BTBD16: variants seen among roughly 807,000 people sequenced by gnomAD.
BTBD16 encodes the protein BTB domain containing 16.
Under a neutral mutation model 67.4 loss-of-function variants are expected in BTBD16, and 66 were observed. The observed-to-expected ratio is 0.98, with a 90% confidence interval of 0.80 to 1.20. The LOEUF is 1.20. Among genes scored for constraint, BTBD16 ranks in the 50% most tolerant of loss-of-function variants. The pLI is 0.00. For synonymous variants in BTBD16, 242 were observed against 236.4 expected (o/e 1.02, Z -0.22); for missense variants, 634 against 616.0 (o/e 1.03, Z -0.31).
intron 10 of BTBD16, among the ~76,000 whole-genome samples, chr10:122,309,352 G>T (rs1220488101): frequency 7.0e-5 from 10 of 143,754 alleles, no homozygotes; most frequent in South Asian, 2.2e-4. Flanking sequence ...TTTTGTTTTT[G>T]TTTTTTTTTT....
chr10:122,288,067 A>T (rs1307444189), intron 5 of BTBD16, among the ~76,000 whole-genome samples: 2 of 148,976 alleles, frequency 1.3e-5, no homozygotes, highest in Non-Finnish European at 3.0e-5. Context: ...TCCTATGTGG[A>T]ATGCTTAGCT....
intron 10 of BTBD16, among the ~76,000 whole-genome samples, chr10:122,321,834 A>G (rs2096435977): frequency 6.6e-6 from 1 of 152,148 alleles, no homozygotes; most frequent in South Asian, 2.1e-4. Context: ...AAGTTTGATT[A>G]GGTTCCACTT....
intron 10 of BTBD16, among the ~76,000 whole-genome samples, chr10:122,322,838 C>T (rs2142120346): frequency 6.6e-6 from 1 of 152,326 alleles, no homozygotes; most frequent in Non-Finnish European, 1.5e-5. Context: ...CCCTCTCTCC[C>T]CACAGTCTGA....
At chr10:122,303,388 C>A (rs771959036) in intron 9 of BTBD16, among the ~76,000 whole-genome samples, 3 of 152,206 alleles carry the variant, frequency 2.0e-5, no homozygotes, top group Non-Finnish European at 2.9e-5. Context: ...TCACTTACAT[C>A]GTGTGTTGTG....
intron 7 of BTBD16, among the ~76,000 whole-genome samples, chr10:122,293,235 C>T (rs1467838101): frequency 6.6e-6 from 1 of 152,206 alleles, no homozygotes; most frequent in Admixed American, 6.5e-5. Context: ...CAAGAGAAGA[C>T]ATTAGCTGCT....
intron 3 of BTBD16, among the ~76,000 whole-genome samples, chr10:122,280,197 T>C (rs1374937467): frequency 1.3e-5 from 2 of 152,130 alleles, no homozygotes; most frequent in East Asian, 3.8e-4. Context: ...TCTTACAGGG[T>C]TGTGTGAGAA....
rs761762327 is a variant in BTBD16 at position 122,334,968 on chromosome 10, T to G, written c.1252T>G (p.Phe418Val). The G allele has an allele frequency of 6.7e-7, 1 of 1,501,072 alleles. No homozygotes were observed. The highest frequency in any genetic ancestry group is 2.3e-5 in the East Asian group (1 of 43,888). The allele number at this position is 1,501,072 out of a possible 1,614,324, so 93.0% of individuals were successfully genotyped here. ...CAAACATGATACTACCTCTTATAGT[T>G]TTTACATGCAGGTAAGGATAGAGTG... Reference protein sequence around the residue: ...GLKHDTTSYSFYMQRIKHTDL... With the variant: ...GLKHDTTSYSVYMQRIKHTDL... Residue 418 changes from phenylalanine (F) to valine (V), a missense_variant, in exon 14 of 16, where the codon TTT becomes GTT. Transcript: ENST00000260723.
intron 14 of BTBD16, among the ~76,000 whole-genome samples, chr10:122,335,527 G>T (rs2096462090): frequency 6.6e-6 from 1 of 152,162 alleles, no homozygotes; most frequent in African/African-American, 2.4e-5. Context: ...ATAGGACCTG[G>T]GCAAGTGCCA....
At chr10:122,276,308 C>T (rs1163994087) in intron 2 of BTBD16, among the ~76,000 whole-genome samples, 2 of 152,200 alleles carry the variant, frequency 1.3e-5, no homozygotes, top group Non-Finnish European at 2.9e-5. Flanking sequence ...GGTTGCATAA[C>T]GTTGTAAATG....
intron 5 of BTBD16, 173 bp downstream of exon 5, chr10:122,286,421 G>A: frequency 1.6e-6 from 1 of 606,782 alleles, no homozygotes; most frequent in Non-Finnish European, 2.1e-6. Context: ...TGTAAAATGG[G>A]GATAATAGTT....
intron 10 of BTBD16, among the ~76,000 whole-genome samples, chr10:122,311,433 G>C (rs1330791116): frequency 6.6e-6 from 1 of 152,108 alleles, no homozygotes; most frequent in Non-Finnish European, 1.5e-5. Context: ...TCTGGCAATA[G>C]CTAGTTGAGA....
rs376344876 is a variant in BTBD16, at chr10:122,338,130, A to G, written c.*45A>G. Reference sequence around the variant, plus strand: ...TGGGATTTTCCCCCCACTGGTCTGCATAAAAGAAAATAAAATGACATAAAA... The same window carrying G: ...TGGGATTTTCCCCCCACTGGTCTGCGTAAAAGAAAATAAAATGACATAAAA... On this transcript the variant is annotated 3_prime_UTR_variant, in exon 16 of 16. Transcript: ENST00000260723. The G allele has an allele frequency of 5.9e-4, 824 of 1,405,508 alleles. 1 individual carries two copies. Among genetic ancestry groups the G allele is most frequent in the Middle Eastern group, 3.6e-3 (20 of 5,608 alleles). The allele number at this position is 1,405,508 out of a possible 1,614,324, so 87.1% of individuals were successfully genotyped here.
intron 5 of BTBD16, among the ~76,000 whole-genome samples, chr10:122,288,922 T>C (rs959437799): frequency 6.6e-6 from 1 of 151,998 alleles, no homozygotes; most frequent in African/African-American, 2.4e-5. Context: ...GGGCTGCTAG[T>C]GGGGCCTTGG....
chr10:122,292,711 G>C (rs778436078), intron 7 of BTBD16, among the ~76,000 whole-genome samples: 2 of 152,226 alleles, frequency 1.3e-5, no homozygotes, highest in Non-Finnish European at 2.9e-5. Context: ...GAGACAGTGA[G>C]GGACCAGATG....
intron 10 of BTBD16, among the ~76,000 whole-genome samples, chr10:122,312,213 A>G (rs1309467768): frequency 6.6e-6 from 1 of 151,996 alleles, no homozygotes; most frequent in Non-Finnish European, 1.5e-5. Context: ...GGCTGTGCTA[A>G]TTTATTCCCT....
intron 15 of BTBD16, among the ~76,000 whole-genome samples, chr10:122,337,344 T>C (rs11200558): frequency 0.099 from 15,149 of 152,256 alleles, 882 homozygotes; most frequent in East Asian, 0.3. Flanking sequence ...TCTATGACGT[T>C]AGAAATCACA....
intron 14 of BTBD16, 96 bp from the exon 15 acceptor site, chr10:122,336,398 A>ATTATATACCAGGGTCTATATGCCAGG: frequency 9.0e-7 from 1 of 1,109,094 alleles, no homozygotes; most frequent in Non-Finnish European, 1.3e-6. Context: ...GCCTGCACAC[A>ATTATATACCAGGGTCTATATGCCAGG]TTATATACCA....
intron 4 of BTBD16, among the ~76,000 whole-genome samples, chr10:122,284,404 G>A (rs942365281): frequency 6.6e-6 from 1 of 151,716 alleles, no homozygotes; most frequent in Non-Finnish European, 1.5e-5. Flanking sequence ...AGCCAAGACT[G>A]CACCACTGCA....
intron 5 of BTBD16, among the ~76,000 whole-genome samples, chr10:122,288,595 G>T (rs1042217013): frequency 1.3e-5 from 2 of 152,218 alleles, no homozygotes; most frequent in Non-Finnish European, 2.9e-5. Flanking sequence ...GATGGGCCCA[G>T]TGGGTGGAGC....
Sources: allele counts gnomAD v4.1 joint callset (sites outside exome capture counted in the v4.1 genomes callset), GRCh38; gene constraint gnomAD v4.1.1; transcripts MANE v1.5; gene names NCBI Gene and HGNC (gene_info 2026-07-23, HGNC 2026-07-21).